Variants in ULK2 observed in about 807,000 individuals in gnomAD.
ULK2 encodes the protein unc-51 like autophagy activating kinase 2.
ULK2 carries 76 observed loss-of-function variants against 127.5 expected under a neutral mutation model. The observed-to-expected ratio is 0.60, with a 90% CI of 0.50 to 0.72. The LOEUF is 0.72. Ranked by LOEUF, ULK2 falls within the 30% of genes least tolerant of loss-of-function variation. ULK2 has a pLI of 0.00. For missense variants in ULK2, 1,144 were observed against 1,295.9 expected (o/e 0.88, Z 1.80); for synonymous variants, 452 against 461.9 (o/e 0.98, Z 0.28).
At chr17:19,834,602 A>C (rs528439127) in intron 10 of ULK2, among the ~76,000 whole-genome samples, 28 of 152,128 alleles carry the variant, frequency 1.8e-4, no homozygotes, top group Non-Finnish European at 3.7e-4. Flanking sequence ...CAGAAATGAT[A>C]AATGTATAGG....
At chr17:19,851,805 TACA>T (rs1425840254) in intron 3 of ULK2, among the ~76,000 whole-genome samples, 6 of 151,668 alleles carry the variant, frequency 4.0e-5, no homozygotes, top group Admixed American at 3.3e-4. Context: ...CGGGTCGGAT[TACA>T]ACGTCAGGAG....
At chr17:19,818,322 CAAAAA>C (rs1333097274) in intron 12 of ULK2, among the ~76,000 whole-genome samples, 1 of 62,650 alleles carries the variant, frequency 1.6e-5, no homozygotes. Flanking sequence ...GACTCCGTCT[CAAAAA>C]AAAAAAAAAA....
At chr17:19,865,165 T>C (rs2042326631) in intron 2 of ULK2, among the ~76,000 whole-genome samples, 1 of 152,200 alleles carries the variant, frequency 6.6e-6, no homozygotes, top group Non-Finnish European at 1.5e-5. Flanking sequence ...GTTAAGTACT[T>C]TGAAACAAGT....
intron 3 of ULK2, among the ~76,000 whole-genome samples, chr17:19,862,953 T>A (rs1006817695): frequency 6.6e-6 from 1 of 152,012 alleles, no homozygotes; most frequent in African/African-American, 2.4e-5. Context: ...GTGGCTTACA[T>A]CTGTAATCCC....
At chr17:19,836,104 TAA>T (rs56884283) in intron 10 of ULK2, among the ~76,000 whole-genome samples, 5 of 118,098 alleles carry the variant, frequency 4.2e-5, no homozygotes, top group East Asian at 2.2e-4. Context: ...CCATCTCTAC[TAA>T]AAAAAAAAAA....
chr17:19,867,403 A>G lies in ULK2; in HGVS notation c.15T>C (p.Gly5=), dbSNP rs112009436. 4,196 of 1,597,662 alleles carry G rather than the reference A, an allele frequency of 2.6e-3. 87 individuals are homozygous for G. The African/African-American group carries it at 0.051, about 19-fold the overall frequency. The change falls in exon 1 of 27, where the codon GGT becomes GGC. Residue 5 remains glycine (G), a synonymous_variant. Coordinates refer to ENST00000395544, the MANE Select transcript of ULK2 (RefSeq NM_014683.4). MEVV[G]DFEYSKRDLV... is the part of the protein sequence containing the mutation. ...GATCCCTCTTGCTGTACTCGAAGTC[A>G]CCCACCACCTCCATGGCCGCGCCCC...
chr17:19,794,303 T>C (rs1317839174), intron 20 of ULK2, among the ~76,000 whole-genome samples: 3 of 151,428 alleles, frequency 2.0e-5, no homozygotes, highest in African/African-American at 4.9e-5. Flanking sequence ...ACTATAAGAG[T>C]AGAACATATA....
chr17:19,793,028 A>T (rs1353103004), intron 20 of ULK2, among the ~76,000 whole-genome samples: 1 of 152,136 alleles, frequency 6.6e-6, no homozygotes, highest in Non-Finnish European at 1.5e-5. Flanking sequence ...ACTGCCCGAG[A>T]CTGGGAAATT....
chr17:19,847,556 A>T (rs894061982), intron 5 of ULK2, among the ~76,000 whole-genome samples: 2 of 150,034 alleles, frequency 1.3e-5, no homozygotes, highest in African/African-American at 2.4e-5. Flanking sequence ...TTCCGTAAAT[A>T]TTTTTTTTTT....
At chr17:19,797,219 C>A (rs2087290631) in intron 18 of ULK2, among the ~76,000 whole-genome samples, 177 bp downstream of exon 18, 2 of 151,692 alleles carry the variant, frequency 1.3e-5, no homozygotes, top group South Asian at 4.1e-4. Flanking sequence ...ATTGTTTGAA[C>A]CTGGGAGGTG....
chr17:19,834,998 G>A (rs1284884988), intron 10 of ULK2, among the ~76,000 whole-genome samples: 1 of 151,802 alleles, frequency 6.6e-6, no homozygotes, highest in Non-Finnish European at 1.5e-5. Context: ...AGGTAAGACT[G>A]TATAAAGCAA....
Position 19,776,243 on chromosome 17 carries a change from G to T in ULK2, c.*106C>A. 1 of 988,188 alleles carries T rather than the reference G, an allele frequency of 1.0e-6. No individual in the cohort carries two copies. The highest frequency in any genetic ancestry group is 1.4e-6 in the Non-Finnish European group (1 of 696,348). The allele number at this position is 988,188 out of a possible 1,614,324, so 61.2% of individuals were successfully genotyped here. On this transcript the variant is annotated 3_prime_UTR_variant, in exon 27 of 27. Coordinates refer to ENST00000395544, the MANE Select transcript of ULK2 (RefSeq NM_014683.4). ...ACTGCTTGTTCTTTGGTAGTCACCA[G>T]TTAAGAAGCTACAGTTTCCTGGGGA...
rs1408450443 is a variant in ULK2 at position 19,858,142 on chromosome 17, G to C, written c.225+6661C>G. On this transcript the variant is annotated intron_variant, in intron 3 of 26. Transcript: ENST00000395544. The stretch of plus-strand genomic sequence containing the variant: ...GGCCCGGGTGTGGTGGCTCACGCCT[G>C]TAATCCCAGCACTTTGGGAAGCCAA... Among the ~76,000 whole-genome samples the C allele has an allele frequency of 3.3e-5, 5 of 152,076 alleles. No homozygotes were observed. In the East Asian group the frequency reaches 9.7e-4, roughly 29 times the overall value.
intron 15 of ULK2, among the ~76,000 whole-genome samples, chr17:19,804,399 C>T (rs994231813): frequency 6.6e-6 from 1 of 151,812 alleles, no homozygotes; most frequent in Admixed American, 6.6e-5. Flanking sequence ...TTAATAAGTT[C>T]TTCCTCAATT....
chr17:19,798,559 A>AT (rs1447221292), intron 17 of ULK2, among the ~76,000 whole-genome samples: 5 of 152,224 alleles, frequency 3.3e-5, no homozygotes, highest in Non-Finnish European at 7.3e-5. Context: ...AAGCTTTGCT[A>AT]TTGACCACTT....
chr17:19,817,327 T>C (rs1246634214), intron 12 of ULK2, among the ~76,000 whole-genome samples: 2 of 152,118 alleles, frequency 1.3e-5, no homozygotes, highest in African/African-American at 2.4e-5. Flanking sequence ...ATTAACGACA[T>C]CTTACACACA....
intron 10 of ULK2, among the ~76,000 whole-genome samples, chr17:19,833,396 C>A (rs2041513366): frequency 6.6e-6 from 1 of 151,004 alleles, no homozygotes; most frequent in Non-Finnish European, 1.5e-5. Flanking sequence ...GAGTCTCGCT[C>A]TGTCGCCCAT....
chr17:19,793,266 A>G (rs970073840), intron 20 of ULK2, among the ~76,000 whole-genome samples: 1 of 152,198 alleles, frequency 6.6e-6, no homozygotes, highest in Non-Finnish European at 1.5e-5. Context: ...CCATGATTCA[A>G]TTACCTCCAC....
intron 20 of ULK2, among the ~76,000 whole-genome samples, chr17:19,790,970 T>C (rs2152384006): frequency 6.6e-6 from 1 of 152,078 alleles, no homozygotes. Context: ...CAACTGTAGA[T>C]ATATACGCAC....
Sources: gnomAD v4.1 joint callset for allele counts (sites outside exome capture counted in the v4.1 genomes callset) on GRCh38, gnomAD v4.1.1 for gene constraint, MANE v1.5 for transcripts, NCBI Gene and HGNC (gene_info 2026-07-23, HGNC 2026-07-21) for gene names.